The following CEP85L variants were observed in gnomAD, a reference collection of about 807,000 sequenced individuals.
CEP85L encodes the protein centrosomal protein 85L.
A neutral mutation model predicts 100.3 loss-of-function variants in CEP85L; 60 were observed. The observed-to-expected ratio is 0.60, with a 90% confidence interval of 0.49 to 0.74. The LOEUF is 0.74. Ranked by LOEUF, CEP85L falls within the 30% of genes least tolerant of loss-of-function variation. CEP85L has a pLI of 0.00. For synonymous variants in CEP85L, 319 were observed against 322.7 expected (o/e 0.99, Z 0.12); for missense variants, 973 against 936.2 (o/e 1.04, Z -0.51).
intron 5 of CEP85L, among the ~76,000 whole-genome samples, chr6:118,498,649 G>A (rs1232157420): frequency 6.6e-5 from 10 of 151,146 alleles, no homozygotes; most frequent in African/African-American, 9.7e-5. Context: ...GGGAGGAAAG[G>A]GAGGAAAGGG....
intron 1 of CEP85L, among the ~76,000 whole-genome samples, chr6:118,682,771 GCACACACACACACACACA>G (rs201043236): frequency 4.3e-5 from 6 of 138,174 alleles, no homozygotes; most frequent in Non-Finnish European, 7.8e-5. Flanking sequence ...GCCTGAGCAT[GCACACACACACACACACA>G]CACACACACA....
chr6:118,638,520 G>A (rs1774660378), intron 1 of CEP85L, among the ~76,000 whole-genome samples: 1 of 149,732 alleles, frequency 6.7e-6, no homozygotes, highest in African/African-American at 2.5e-5. Flanking sequence ...TTTTCTCACA[G>A]AATAGTTACA....
chr6:118,574,235 C>T (rs1041946861), intron 2 of CEP85L, among the ~76,000 whole-genome samples: 1 of 152,236 alleles, frequency 6.6e-6, no homozygotes, highest in African/African-American at 2.4e-5. Flanking sequence ...TCCTCCTCCC[C>T]TCCTCTCTTA....
At chr6:118,692,264 C>T (rs1777069578) in intron 1 of CEP85L, among the ~76,000 whole-genome samples, 1 of 152,182 alleles carries the variant, frequency 6.6e-6, no homozygotes, top group Non-Finnish European at 1.5e-5. Flanking sequence ...CATGGTCCTA[C>T]TCATAGTACT....
intron 1 of CEP85L, among the ~76,000 whole-genome samples, chr6:118,649,494 T>G (rs955410856): frequency 2.0e-5 from 3 of 152,192 alleles, no homozygotes; most frequent in Non-Finnish European, 4.4e-5. Context: ...ACACCATGCC[T>G]CAGTGATATA....
rs953328723 is a variant in CEP85L at position 118,511,348 on chromosome 6, T to C, written c.1207A>G (p.Met403Val). 4 of 1,613,212 alleles carry C rather than the reference T, an allele frequency of 2.5e-6. No homozygotes were observed. In the African/African-American group the frequency reaches 4.0e-5, roughly 16 times the overall value. ...TCACAATTTACATAATGTCCTAACA[T>C]GGCATGTTGAGCCCGTAATTCATTA... ...RDNELRAQHA[M>V]LGHYVNCEDS... Residue 403 changes from methionine (M) to valine (V), a missense_variant, in exon 5 of 13, where the codon ATG becomes GTG. By Grantham distance (21) the Met-to-Val change is conservative. This residue lies in a region of CEP85L where 890 missense variants were observed against 844.5 expected (regional missense o/e 1.05). Coordinates refer to ENST00000368491, the MANE Select transcript of CEP85L (RefSeq NM_001042475.3).
intron 1 of CEP85L, among the ~76,000 whole-genome samples, chr6:118,657,545 A>T (rs1775839374): frequency 6.6e-6 from 1 of 152,184 alleles, no homozygotes. Context: ...GCTTGAACCC[A>T]GGAGGCAGAG....
chr6:118,477,475 C>T (rs1773471006), intron 10 of CEP85L, among the ~76,000 whole-genome samples: 1 of 152,122 alleles, frequency 6.6e-6, no homozygotes, highest in Admixed American at 6.6e-5. Flanking sequence ...GTATTTTGAA[C>T]ACAGCATCTA....
chr6:118,692,213 A>G (rs1777067267), intron 1 of CEP85L, among the ~76,000 whole-genome samples: 1 of 152,162 alleles, frequency 6.6e-6, no homozygotes, highest in Admixed American at 6.5e-5. Context: ...TAAAAACTGA[A>G]GACGAATAAG....
upstream of CEP85L, chr6:118,651,623 G>C (rs936213905): frequency 2.7e-5 from 28 of 1,048,812 alleles, no homozygotes; most frequent in South Asian, 1.3e-4. Context: ...CCAGAGCCGG[G>C]GCTGGGGCCG....
chr6:118,559,833 G>C (rs748689128), intron 3 of CEP85L: 1 of 167,052 alleles, frequency 6.0e-6, no homozygotes, highest in Non-Finnish European at 1.5e-5. Context: ...GAGAACTGGT[G>C]GTTAATATGT....
At chr6:118,472,147 A>G (rs1562172450) in intron 10 of CEP85L, among the ~76,000 whole-genome samples, 1 of 152,034 alleles carries the variant, frequency 6.6e-6, no homozygotes, top group Non-Finnish European at 1.5e-5. Context: ...CAGTCCTTTA[A>G]AAGATAAGAG....
At chr6:118,689,704 C>T (rs937200174) in intron 1 of CEP85L, among the ~76,000 whole-genome samples, 7 of 152,110 alleles carry the variant, frequency 4.6e-5, no homozygotes, top group Non-Finnish European at 7.4e-5. Context: ...AAGAACCAAC[C>T]ATTTTGTTTT....
chr6:118,579,367 A>G (rs959213271), intron 2 of CEP85L, among the ~76,000 whole-genome samples: 3 of 149,812 alleles, frequency 2.0e-5, no homozygotes, highest in African/African-American at 7.4e-5. Context: ...GCTGGTCAGA[A>G]AAAAAAAAAA....
chr6:118,527,101 G>C (rs1777020266), intron 3 of CEP85L, among the ~76,000 whole-genome samples: 1 of 142,298 alleles, frequency 7.0e-6, no homozygotes, highest in Non-Finnish European at 1.5e-5. Flanking sequence ...CGCAACCTCT[G>C]CCTCCTGGGT....
At chr6:118,682,292 A>C (rs959962394) in intron 1 of CEP85L, among the ~76,000 whole-genome samples, 15 of 152,210 alleles carry the variant, frequency 9.9e-5, no homozygotes, top group Admixed American at 9.2e-4. Context: ...TGGATATTCT[A>C]AAAGGAAGTA....
At position 118,553,124 on chromosome 6, in the gene CEP85L, A is replaced by G. The variant is rs548095566; in HGVS notation, c.1020+12405T>C. ...GATTAGACTAACAGAATGCTCTAAA[A>G]AGATCAGATAACATGAAAATAAAAC... On this transcript the variant is annotated intron_variant, in intron 3 of 12. Coordinates refer to ENST00000368491, the MANE Select transcript of CEP85L (RefSeq NM_001042475.3). Among the ~76,000 whole-genome samples the G allele has an allele frequency of 2.6e-5, 4 of 152,184 alleles. No homozygotes were observed. In the East Asian group the frequency reaches 7.7e-4, roughly 29 times the overall value.
intron 4 of CEP85L, among the ~76,000 whole-genome samples, chr6:118,516,008 T>C: frequency 6.6e-6 from 1 of 152,216 alleles, no homozygotes; most frequent in East Asian, 1.9e-4. Context: ...TGTCTGGTTT[T>C]CTGTTCCTGT....
At chr6:118,687,966 C>T (rs1583260845) in intron 1 of CEP85L, among the ~76,000 whole-genome samples, 3 of 152,126 alleles carry the variant, frequency 2.0e-5, no homozygotes, top group Admixed American at 6.5e-5. Flanking sequence ...CCATGACCTG[C>T]GGCTTCTGAT....
Sources: gnomAD v4.1 joint callset for allele counts (sites outside exome capture counted in the v4.1 genomes callset) on GRCh38, gnomAD v4.1.1 for gene constraint, gnomAD v4.1.1 regional missense constraint, MANE v1.5 for transcripts, NCBI Gene and HGNC (gene_info 2026-07-23, HGNC 2026-07-21) for gene names.